Variants in SRPRA observed in about 807,000 individuals in gnomAD.
SRPRA encodes SRP receptor subunit alpha.
A neutral mutation model predicts 61.1 loss-of-function variants in SRPRA; 30 were observed. The observed-to-expected ratio is 0.49, with a 90% CI of 0.37 to 0.67. SRPRA has a LOEUF of 0.67. Among genes scored for constraint, SRPRA ranks in the 30% least tolerant of loss-of-function variants. The pLI, the probability that SRPRA is intolerant of heterozygous loss-of-function variation, is 0.00. For synonymous variants in SRPRA, 324 were observed against 299.7 expected (o/e 1.08, Z -0.84); for missense variants, 759 against 828.4 (o/e 0.92, Z 1.03).
chr11:126,256,450 A>C, the SRPRA span: 1 of 849,106 alleles, frequency 1.2e-6, no homozygotes, highest in Non-Finnish European at 1.8e-6. This position sits in a 1 kb window ranked among gnomAD's most constrained non-coding sequence, Gnocchi z 6.6. Context: ...ATACCAACCC[A>C]CTTAAGTCTT....
the SRPRA span, among the ~76,000 whole-genome samples, chr11:126,237,215 C>CATTTTT: frequency 2.3e-5 from 1 of 43,100 alleles, no homozygotes; most frequent in Non-Finnish European, 4.0e-5. Context: ...CGCGCCTGGC[C>CATTTTT]TTTTTTTTTT....
chr11:126,265,248 G>C lies in SRPRA; in HGVS notation c.1311+20C>G. 1 of 1,613,676 alleles carries C rather than the reference G, an allele frequency of 6.2e-7. No homozygotes were observed. Among genetic ancestry groups the C allele is most frequent in the East Asian group, 2.2e-5 (1 of 44,868 alleles). On this transcript the variant is annotated intron_variant, in intron 10 of 13. Coordinates refer to ENST00000332118, the MANE Select transcript of SRPRA (RefSeq NM_003139.4). The surrounding 1 kb of genome is among the most constrained non-coding windows in gnomAD (Gnocchi z 6.3). ...AAGAAGTACAGAAATATCAGCGATA[G>C]GCTGGGGAACTGCACTGACCTTGGC...
chr11:126,267,361 C>A lies in SRPRA; in HGVS notation c.366-26G>T, dbSNP rs778064188. Reference sequence around the variant, plus strand: ...CTAAACAAAAAGGAGAATGGTTTATCTTTCTACCCCATGCAGAAGGAAAAA... The same window carrying A: ...CTAAACAAAAAGGAGAATGGTTTATATTTCTACCCCATGCAGAAGGAAAAA... On this transcript the variant is annotated intron_variant, in intron 3 of 13. Transcript: ENST00000332118. This position sits in a 1 kb window ranked among gnomAD's most constrained non-coding sequence, Gnocchi z 4.2. 77 of 1,610,020 alleles carry A rather than the reference C, an allele frequency of 4.8e-5. No homozygotes were observed. Among genetic ancestry groups the A allele is most frequent in the Non-Finnish European group, 5.9e-5 (70 of 1,178,364 alleles).
Position 126,264,241 on chromosome 11 carries a change from G to T in SRPRA, c.1738C>A (p.Arg580=), listed in dbSNP as rs1303397344. ...LADHSMAQTP[R]LIDGIVLTKF... ...GTAAGAACAATGCCATCAATGAGCCGAGGTGTCTGAGCCATAGAATGGTCA... is the reference window on the plus strand; with the variant it reads ...GTAAGAACAATGCCATCAATGAGCCTAGGTGTCTGAGCCATAGAATGGTCA... Residue 580 remains arginine, a synonymous_variant, in exon 13 of 14, where the codon CGG becomes AGG. Transcript: ENST00000332118. The surrounding 1 kb of genome is among the most constrained non-coding windows in gnomAD (Gnocchi z 5.0). 47 of 1,614,080 alleles carry T rather than the reference G, an allele frequency of 2.9e-5. No individual in the cohort carries two copies. Among genetic ancestry groups the T allele is most frequent in the Non-Finnish European group, 3.8e-5 (45 of 1,180,020 alleles).
chr11:126,253,487 G>T, the SRPRA span, among the ~76,000 whole-genome samples: 3 of 152,258 alleles, frequency 2.0e-5, no homozygotes, highest in East Asian at 5.8e-4. This position sits in a 1 kb window ranked among gnomAD's most constrained non-coding sequence, Gnocchi z 5.1. Flanking sequence ...AGCCTTTTAG[G>T]TTCCTCAGAG....
At position 126,266,817 on chromosome 11, in the gene SRPRA, C is replaced by CG. The variant is rs772758658; in HGVS notation, c.631dup (p.Arg211ProfsTer45). On this transcript the variant is annotated frameshift_variant, in exon 5 of 14. Transcript: ENST00000332118. LOFTEE classifies it high-confidence loss of function. ...CTGAATGAACTCCTCGCGCTTCCTGCGGATCAGCTCCTCTTTGGAAAGTTC... is the reference window on the plus strand; with the variant it reads ...CTGAATGAACTCCTCGCGCTTCCTGCGGGATCAGCTCCTCTTTGGAAAGTTC... The CG allele has an allele frequency of 2.5e-6, 4 of 1,614,178 alleles. No homozygotes were observed. The highest frequency in any genetic ancestry group is 3.4e-6 in the Non-Finnish European group (4 of 1,180,044).
the SRPRA span, among the ~76,000 whole-genome samples, chr11:126,252,080 G>A: frequency 6.6e-6 from 1 of 152,048 alleles, no homozygotes; most frequent in Admixed American, 6.6e-5. The surrounding 1 kb of genome is among the most constrained non-coding windows in gnomAD (Gnocchi z 4.7). Context: ...TCCTCCTCCT[G>A]GGTTCAAGCG....
chr11:126,252,144 G>C, the SRPRA span, among the ~76,000 whole-genome samples: 2 of 151,612 alleles, frequency 1.3e-5, no homozygotes, highest in South Asian at 4.2e-4. The surrounding 1 kb of genome is among the most constrained non-coding windows in gnomAD (Gnocchi z 4.7). Flanking sequence ...CCGCCATCAC[G>C]TCTGGCTAAT....
chr11:126,252,608 T>G, the SRPRA span, among the ~76,000 whole-genome samples: 16 of 152,196 alleles, frequency 1.1e-4, no homozygotes, highest in East Asian at 2.9e-3. This position sits in a 1 kb window ranked among gnomAD's most constrained non-coding sequence, Gnocchi z 4.7. Flanking sequence ...CCGGGCATGG[T>G]GGTGTTTGCC....
the SRPRA span, among the ~76,000 whole-genome samples, chr11:126,238,777 C>A: frequency 6.6e-6 from 1 of 152,036 alleles, no homozygotes; most frequent in African/African-American, 2.4e-5. Context: ...AAAATTCTAC[C>A]AAGGGAATCG....
Position 126,266,891 on chromosome 11 carries a change from T to C in SRPRA, c.558A>G (p.Pro186=). 2 of 1,614,188 alleles carry C rather than the reference T, an allele frequency of 1.2e-6. No individual in the cohort carries two copies. The highest frequency in any genetic ancestry group is 1.7e-6 in the Non-Finnish European group (2 of 1,180,042). Residue 186 remains proline (P), a synonymous_variant, in exon 5 of 14, where the codon CCA becomes CCG. Coordinates refer to ENST00000332118, the MANE Select transcript of SRPRA (RefSeq NM_003139.4). ...GAAGACCTGACTTTTCTGCAGGGAC[T>C]GGTTTGCTGGTAGCCAAAGGACCAT... The part of the protein sequence containing the change: ...GSDGPLATSK[P]VPAEKSGLPV...
chr11:126,262,083 G>C (rs188896270), downstream of SRPRA: 771 of 1,613,272 alleles, frequency 4.8e-4, no homozygotes, highest in Non-Finnish European at 5.6e-4. Flanking sequence ...CCTGTTTTGT[G>C]AAACTTCATT....
At chr11:126,247,017 G>T in the SRPRA span, among the ~76,000 whole-genome samples, 2 of 152,194 alleles carry the variant, frequency 1.3e-5, no homozygotes, top group African/African-American at 4.8e-5. Flanking sequence ...AATTAGCCTA[G>T]TGTGGTGGTA....
At chr11:126,246,999 A>G in the SRPRA span, among the ~76,000 whole-genome samples, 2 of 152,176 alleles carry the variant, frequency 1.3e-5, no homozygotes, top group South Asian at 2.1e-4. Context: ...TCTCTACACA[A>G]ATTTTAAAAT....
In SRPRA at chr11:126,265,834, G is replaced by A. The variant is rs1271599081; in HGVS notation, c.1052-11C>T. On this transcript the variant is annotated splice_polypyrimidine_tract_variant and intron_variant, in intron 8 of 13. Coordinates refer to ENST00000332118, the MANE Select transcript of SRPRA (RefSeq NM_003139.4). This position sits in a 1 kb window ranked among gnomAD's most constrained non-coding sequence, Gnocchi z 6.3. ...CAGCCACGTTCTTAGCTGAGGAGAG[G>A]GGGACAGGTATGTCAGTTCCATGTC... is the stretch of plus-strand genomic sequence containing the variant. 7 of 1,614,066 alleles carry A rather than the reference G, an allele frequency of 4.3e-6. No homozygotes were observed. Among genetic ancestry groups the A allele is most frequent in the Non-Finnish European group, 5.9e-6 (7 of 1,180,042 alleles).
chr11:126,259,494 C>T (rs1413058896), downstream of SRPRA, among the ~76,000 whole-genome samples: 11 of 147,168 alleles, frequency 7.5e-5, no homozygotes, highest in South Asian at 8.8e-4. Flanking sequence ...GGCACAATCT[C>T]GGCTCACTGC....
Position 126,265,725 on chromosome 11 carries a change from G to T in SRPRA, c.1138+12C>A, listed in dbSNP as rs374324480. ...TACACATAAGCACTTTCTCACTTAG[G>T]TAAGTACTTACTGCTGAACGTCCCC... On this transcript the variant is annotated intron_variant, in intron 9 of 13. Transcript: ENST00000332118. The surrounding 1 kb of genome is among the most constrained non-coding windows in gnomAD (Gnocchi z 6.3). The T allele has an allele frequency of 3.1e-6, 5 of 1,613,950 alleles. No homozygotes were observed. In the South Asian group the frequency reaches 3.3e-5, roughly 11 times the overall value.
At chr11:126,257,527 AAGTT>A in the SRPRA span, among the ~76,000 whole-genome samples, 8 of 152,324 alleles carry the variant, frequency 5.3e-5, no homozygotes, top group South Asian at 6.2e-4. Context: ...ATAAAAAAAA[AAGTT>A]AGAGACATAT....
the SRPRA span, chr11:126,256,520 TTGAG>T: frequency 6.3e-7 from 1 of 1,580,580 alleles, no homozygotes; most frequent in Non-Finnish European, 8.6e-7. This position sits in a 1 kb window ranked among gnomAD's most constrained non-coding sequence, Gnocchi z 6.6. Flanking sequence ...CAGACTTGCC[TTGAG>T]TGTGTCTTCA....
Sources: gnomAD v4.1 joint callset for allele counts (sites outside exome capture counted in the v4.1 genomes callset) on GRCh38, gnomAD v4.1.1 for gene constraint, Gnocchi (gnomAD v3.1) non-coding constraint, MANE v1.5 for transcripts, NCBI Gene and HGNC (gene_info 2026-07-23, HGNC 2026-07-21) for gene names.